Variants in GAL3ST3 observed in about 807,000 individuals in gnomAD.
GAL3ST3 encodes galactose-3-O-sulfotransferase 3, also known as beta-galactose-3-O-sulfotransferase 3.
GAL3ST3 carries 21 observed loss-of-function variants against 20.8 expected under a neutral mutation model. That is an observed-to-expected ratio of 1.01 (90% confidence interval 0.72 to 1.45). The LOEUF is 1.45. Among genes scored for constraint, GAL3ST3 ranks in the 40% most tolerant of loss-of-function variants. GAL3ST3 has a pLI of 0.00. For missense variants in GAL3ST3, 739 were observed against 662.7 expected (o/e 1.12, Z -1.26); for synonymous variants, 355 against 307.2 (o/e 1.16, Z -1.63).
rs545795202 is a variant in GAL3ST3 at position 66,048,443 on chromosome 11, G to A, written c.-113+568C>T. Among the ~76,000 whole-genome samples the A allele has an allele frequency of 2.0e-5, 3 of 152,156 alleles. No individual in the cohort carries two copies. In the South Asian group the frequency reaches 6.2e-4, roughly 32 times the overall value. ...CTTAGAGGAAGGGGTGCCCTGGACT[G>A]GACCACTTGGACCTGACTGCTGGAT... is the stretch of plus-strand genomic sequence containing the variant. On this transcript the variant is annotated intron_variant, in intron 1 of 2. Transcript: ENST00000312006.
rs190246732 is a variant in GAL3ST3, at chr11:66,047,688, A to G, written c.-113+1323T>C. The stretch of plus-strand genomic sequence containing the variant: ...CCTGATACAGCCTGGTCCATTTCTG[A>G]GCAACTTACAGCTTGTTCAGGTTCT... On this transcript the variant is annotated intron_variant, in intron 1 of 2. Coordinates refer to ENST00000312006, the MANE Select transcript of GAL3ST3 (RefSeq NM_033036.3). 2.6e-5 allele frequency among the ~76,000 whole-genome samples: 4 copies of G among 152,304 alleles called. No homozygotes were observed. The East Asian group carries it at 7.7e-4, about 29-fold the overall frequency.
rs901179907 is a variant in GAL3ST3, at chr11:66,040,785, C to A, written c.*1722G>T. ...TTGAGTCTGGTACAATTCTTTACTGCTGCTTAATGTCAGAAACTTAATTAT... is the reference window on the plus strand; with the variant it reads ...TTGAGTCTGGTACAATTCTTTACTGATGCTTAATGTCAGAAACTTAATTAT... On this transcript the variant is annotated 3_prime_UTR_variant, in exon 3 of 3. Coordinates refer to ENST00000312006, the MANE Select transcript of GAL3ST3 (RefSeq NM_033036.3). 1.3e-5 allele frequency among the ~76,000 whole-genome samples: 2 copies of A among 152,182 alleles called. No individual in the cohort carries two copies. The highest frequency in any genetic ancestry group is 2.9e-5 in the Non-Finnish European group (2 of 68,034).
intron 2 of GAL3ST3, among the ~76,000 whole-genome samples, chr11:66,043,946 G>A (rs1856753616): frequency 1.3e-5 from 2 of 152,194 alleles, no homozygotes; most frequent in Admixed American, 1.3e-4. Flanking sequence ...CAGAAATGAT[G>A]GGATGTCACT....
chr11:66,045,363 C>A lies in GAL3ST3; in HGVS notation c.53G>T (p.Arg18Leu), dbSNP rs753342146. 2 of 1,607,350 alleles carry A rather than the reference C, an allele frequency of 1.2e-6. No individual in the cohort carries two copies. The highest frequency in any genetic ancestry group is 1.7e-6 in the Non-Finnish European group (2 of 1,176,618). ...CCCTAGCACCAGCAGCAGGATTTTC[C>A]GGCGGCTCATCATCTTGGTGGCCTG... ...LQQATKMMSR[R>L]KILLLVLGCS... The change falls in exon 2 of 3, where the codon CGG becomes CTG. Residue 18 changes from arginine (R) to leucine (L), a missense_variant. Coordinates refer to ENST00000312006, the MANE Select transcript of GAL3ST3 (RefSeq NM_033036.3).
chr11:66,047,787 A>C (rs1423565269), intron 1 of GAL3ST3, among the ~76,000 whole-genome samples: 1 of 151,798 alleles, frequency 6.6e-6, no homozygotes, highest in Non-Finnish European at 1.5e-5. Flanking sequence ...CCCATTCTGC[A>C]CTCTTGGTAG....
intron 1 of GAL3ST3, among the ~76,000 whole-genome samples, chr11:66,047,931 T>C (rs894777343): frequency 2.6e-5 from 4 of 152,170 alleles, no homozygotes; most frequent in Non-Finnish European, 5.9e-5. Flanking sequence ...AGGGTGCTGC[T>C]CGGACACTGT....
In GAL3ST3 at chr11:66,045,454, A is replaced by C. The variant is rs1281434494; in HGVS notation, c.-39T>G. ...CCCCTGGACCAGCCAGGGCCTCACT[A>C]TCCAGGACTCCCTTCACAGGCACTC... On this transcript the variant is annotated 5_prime_UTR_variant, in exon 2 of 3. It removes the in-frame stop codon of an upstream open reading frame in the 5' UTR. Transcript: ENST00000312006. 1.3e-6 allele frequency: 2 copies of C among 1,528,408 alleles called. No homozygotes were observed. The highest frequency in any genetic ancestry group is 1.3e-5 in the South Asian group (1 of 78,572). 94.7% of individuals were successfully genotyped at this position (1,528,408 alleles called of 1,614,324 possible). A position where few individuals can be genotyped will look rare whatever the true frequency, so the allele number is the denominator to read the frequency against.
At position 66,045,293 on chromosome 11, in the gene GAL3ST3, G is replaced by A; in HGVS notation, c.123C>T (p.Ser41=). Residue 41 remains serine (S), a splice_region_variant and synonymous_variant, in exon 2 of 3, where the codon AGC becomes AGT. Coordinates refer to ENST00000312006, the MANE Select transcript of GAL3ST3 (RefSeq NM_033036.3). ...SLLIHQGAQL[S]WYPKLFPLSC... ...CCCCTGGGGCCCCGCCCCCTTACCA[G>A]CTGAGCTGCGCCCCCTGGTGGATGA... 1 of 1,568,844 alleles carries A rather than the reference G, an allele frequency of 6.4e-7. No individual in the cohort carries two copies. The highest frequency in any genetic ancestry group is 8.6e-7 in the Non-Finnish European group (1 of 1,157,354).
chr11:66,045,311 G>A lies in GAL3ST3; in HGVS notation c.105C>T (p.His35=), dbSNP rs763407268. The change falls in exon 2 of 3, where the codon CAC becomes CAT. Residue 35 remains histidine, a synonymous_variant. Coordinates refer to ENST00000312006, the MANE Select transcript of GAL3ST3 (RefSeq NM_033036.3). The part of the protein sequence containing the change: ...LGCSTVSLLI[H]QGAQLSWYPK... Reference sequence around the variant, plus strand: ...CTTACCAGCTGAGCTGCGCCCCCTGGTGGATGAGAAGGCTTACGGTGCTGC... The same window carrying A: ...CTTACCAGCTGAGCTGCGCCCCCTGATGGATGAGAAGGCTTACGGTGCTGC... 35 of 1,588,250 alleles carry A rather than the reference G, an allele frequency of 2.2e-5. 1 individual carries two copies. The highest frequency in any genetic ancestry group is 1.7e-4 in the Middle Eastern group (1 of 5,928).
chr11:66,044,770 G>C (rs1206980916), intron 2 of GAL3ST3, among the ~76,000 whole-genome samples: 2 of 152,190 alleles, frequency 1.3e-5, no homozygotes, highest in Non-Finnish European at 2.9e-5. Flanking sequence ...ATCTGGCAAG[G>C]GGGGCTGGGC....
chr11:66,044,644 T>C (rs1288906075), intron 2 of GAL3ST3, among the ~76,000 whole-genome samples: 1 of 152,216 alleles, frequency 6.6e-6, no homozygotes, highest in Non-Finnish European at 1.5e-5. Flanking sequence ...ATGTGCCAGG[T>C]TAATGCTAGG....
At position 66,042,614 on chromosome 11, in the gene GAL3ST3, G is replaced by C; in HGVS notation, c.1189C>G (p.Arg397Gly). 1 of 1,537,384 alleles carries C rather than the reference G, an allele frequency of 6.5e-7. No homozygotes were observed. The highest frequency in any genetic ancestry group is 8.7e-7 in the Non-Finnish European group (1 of 1,147,588). ...PEVQYSNYLL[R>G]KQKRRGGARA... is the part of the protein sequence containing the mutation. ...GCACCGCCCCGGCGCTTCTGCTTGC[G>C]CAACAGGTAGTTCGAGTACTGGACC... The change falls in exon 3 of 3, where the codon CGC becomes GGC. Residue 397 changes from arginine (R) to glycine (G), a missense_variant. Transcript: ENST00000312006.
Position 66,043,023 on chromosome 11 carries a change from G to C in GAL3ST3, c.780C>G (p.Asp260Glu). ...CGTTGAGCTTGGCGTAGAGCACGTC[G>C]TCCAGGTCCCAGGCCAGTAGGCGCC... ...LLRRLLAWDL[D>E]DVLYAKLNAR... Residue 260 changes from aspartate to glutamate, a missense_variant, in exon 3 of 3, where the codon GAC becomes GAG. Asp to Glu is a conservative substitution (Grantham distance 45). Coordinates refer to ENST00000312006, the MANE Select transcript of GAL3ST3 (RefSeq NM_033036.3). The C allele has an allele frequency of 6.2e-7, 1 of 1,609,684 alleles. No individual in the cohort carries two copies. Among genetic ancestry groups the C allele is most frequent in the Middle Eastern group, 1.7e-4 (1 of 6,048 alleles).
chr11:66,046,819 C>T lies in GAL3ST3; in HGVS notation c.-112-1292G>A, dbSNP rs117476058. Among the ~76,000 whole-genome samples, 289 of 152,260 alleles carry T rather than the reference C, an allele frequency of 1.9e-3. 8 individuals are homozygous for T. In the East Asian group the frequency reaches 0.046, roughly 24 times the overall value. Reference sequence around the variant, plus strand: ...GAGGGGGAGCCTGGAACCTGATGGGCATGTGCATGTGGAACTAGGACACCT... The same window carrying T: ...GAGGGGGAGCCTGGAACCTGATGGGTATGTGCATGTGGAACTAGGACACCT... On this transcript the variant is annotated intron_variant, in intron 1 of 2. Coordinates refer to ENST00000312006, the MANE Select transcript of GAL3ST3 (RefSeq NM_033036.3).
rs759269637 is a variant in GAL3ST3, at chr11:66,043,285, C to T, written c.518G>A (p.Arg173Gln). ...SYYNQYCPAF[R>Q]RVPNASLEAF... ...CTCGAGCGAGGCGTTGGGTACGCGCCGGAAGGCCGGGCAGTACTGGTTGTA... is the reference window on the plus strand; with the variant it reads ...CTCGAGCGAGGCGTTGGGTACGCGCTGGAAGGCCGGGCAGTACTGGTTGTA... Residue 173 changes from arginine to glutamine, a missense_variant, in exon 3 of 3, where the codon CGG (arginine) becomes CAG (glutamine). Transcript: ENST00000312006. 5 of 1,611,824 alleles carry T rather than the reference C, an allele frequency of 3.1e-6. No individual in the cohort carries two copies. Among genetic ancestry groups the T allele is most frequent in the Middle Eastern group, 1.6e-4 (1 of 6,076 alleles).
chr11:66,042,577 G>A lies in GAL3ST3; in HGVS notation c.1226C>T (p.Pro409Leu), dbSNP rs773057630. The change falls in exon 3 of 3, where the codon CCC becomes CTC. Residue 409 changes from proline (P) to leucine (L), a missense_variant. By Grantham distance (98) the Pro-to-Leu change is moderately conservative. Transcript: ENST00000312006. The part of the protein sequence containing the change: ...QKRRGGARAR[P>L]EPVLDNPPPR... ...CGGGGGATTGTCCAGGACGGGCTCGGGCCGAGCCCGCGCACCGCCCCGGCG... is the reference window on the plus strand; with the variant it reads ...CGGGGGATTGTCCAGGACGGGCTCGAGCCGAGCCCGCGCACCGCCCCGGCG... The A allele has an allele frequency of 7.2e-6, 11 of 1,535,494 alleles. No individual in the cohort carries two copies. The highest frequency in any genetic ancestry group is 3.9e-5 in the Admixed American group (2 of 50,636).
At position 66,045,387 on chromosome 11, in the gene GAL3ST3, T is replaced by A; in HGVS notation, c.29A>T (p.Gln10Leu). Residue 10 changes from glutamine (Q) to leucine (L), a missense_variant, in exon 2 of 3, where the codon CAG becomes CTG. Physicochemically the swap from Gln to Leu is moderately radical, Grantham distance 113 (BLOSUM62 -2). Transcript: ENST00000312006. Reference sequence around the variant, plus strand: ...CCGGCGGCTCATCATCTTGGTGGCCTGCTGCAGGCGCTGGAGGATGGGTGG... The same window carrying A: ...CCGGCGGCTCATCATCTTGGTGGCCAGCTGCAGGCGCTGGAGGATGGGTGG... MPPILQRLQ[Q>L]ATKMMSRRKI... is the part of the protein sequence containing the mutation. The A allele has an allele frequency of 1.2e-6, 2 of 1,603,888 alleles. No individual in the cohort carries two copies. The highest frequency in any genetic ancestry group is 1.7e-6 in the Non-Finnish European group (2 of 1,174,818).
chr11:66,048,527 C>T (rs1311266250), intron 1 of GAL3ST3, among the ~76,000 whole-genome samples: 4 of 152,056 alleles, frequency 2.6e-5, no homozygotes, highest in African/African-American at 4.8e-5. Flanking sequence ...TGTTGAGGGA[C>T]GCTGACCCAG....
At position 66,043,299 on chromosome 11, in the gene GAL3ST3, G is replaced by A; in HGVS notation, c.504C>T (p.Tyr168=). The change falls in exon 3 of 3, where the codon TAC becomes TAT. Residue 168 remains tyrosine, a synonymous_variant. Transcript: ENST00000312006. The stretch of plus-strand genomic sequence containing the variant: ...TGGGTACGCGCCGGAAGGCCGGGCA[G>A]TACTGGTTGTAGTAGCTGAAGAGCG... ...FESLFSYYNQ[Y]CPAFRRVPNA... The A allele has an allele frequency of 6.2e-7, 1 of 1,612,344 alleles. No individual in the cohort carries two copies.
Sources: allele counts gnomAD v4.1 joint callset (sites outside exome capture counted in the v4.1 genomes callset), GRCh38; gene constraint gnomAD v4.1.1; transcripts MANE v1.5; gene names NCBI Gene and HGNC (gene_info 2026-07-23, HGNC 2026-07-21).